The following MTAP variants were observed in gnomAD, a reference collection of about 807,000 sequenced individuals.
MTAP encodes methylthioadenosine phosphorylase.
A neutral mutation model predicts 33.6 loss-of-function variants in MTAP; 33 were observed. The observed-to-expected ratio is 0.98, with a 90% CI of 0.74 to 1.31. The LOEUF (loss-of-function observed/expected upper bound fraction) is 1.31, where lower values mean the gene tolerates loss of function less well. MTAP is among the 40% of genes most tolerant of loss of function. The probability of loss-of-function intolerance (pLI) is 0.00; values close to 1 mark genes in which losing one functional copy is unlikely to be tolerated. For synonymous variants in MTAP, 148 were observed against 125.7 expected, an observed-to-expected ratio of 1.18 and a Z score of -1.19; for missense variants, 367 against 360.0, an observed-to-expected ratio of 1.02 and a Z score of -0.16.
downstream of MTAP, chr9:21,941,015 T>C (rs1222038663): frequency 4.1e-6 from 4 of 984,484 alleles, no homozygotes; most frequent in African/African-American, 7.0e-5. Context: ...AAACATATAT[T>C]TGCATGAAAT....
intron 5 of MTAP, among the ~76,000 whole-genome samples, chr9:21,846,434 G>A (rs1181687581): frequency 3.3e-5 from 5 of 150,394 alleles, no homozygotes; most frequent in South Asian, 4.2e-4. Context: ...AAAAAAGGTC[G>A]CTAAGTACAT....
chr9:21,833,999 G>GT (rs145240053), intron 4 of MTAP, among the ~76,000 whole-genome samples: 29 of 151,318 alleles, frequency 1.9e-4, no homozygotes, highest in South Asian at 4.2e-4. Context: ...TCCATAGGCT[G>GT]TTTTTTTTTA....
chr9:21,918,429 A>ATAAGAGAAT (rs111858842), intron 1 of MTAP, among the ~76,000 whole-genome samples: 4,801 of 148,640 alleles, frequency 0.032, 234 homozygotes, highest in African/African-American at 0.1. Context: ...GGGTTAAGGG[A>ATAAGAGAAT]TAAGAGAATA....
At chr9:21,919,780 C>T (rs1003339974) in intron 1 of MTAP, among the ~76,000 whole-genome samples, 2 of 151,948 alleles carry the variant, frequency 1.3e-5, no homozygotes, top group Admixed American at 6.6e-5. Flanking sequence ...ACAAGTTAGT[C>T]AGAGAAGCGG....
Position 21,837,903 on chromosome 9 carries a change from T to G in MTAP, c.348-5T>G. ...AACAAAAACCTTTTTTGCTTTATTT[T>G]GTAGGACCACTATGAGACCTCAGTC... is the stretch of plus-strand genomic sequence containing the variant. On this transcript the variant is annotated splice_polypyrimidine_tract_variant and splice_region_variant and intron_variant, in intron 4 of 7. Transcript: ENST00000644715. 1 of 1,611,646 alleles carries G rather than the reference T, an allele frequency of 6.2e-7. No individual in the cohort carries two copies. Among genetic ancestry groups the G allele is most frequent in the Non-Finnish European group, 8.5e-7 (1 of 1,178,592 alleles).
Position 21,816,316 on chromosome 9 carries a change from C to T in MTAP, c.121-398C>T, listed in dbSNP as rs77615337. On this transcript the variant is annotated intron_variant, in intron 2 of 7. Transcript: ENST00000644715. ...CTTAGACCTGGTTAACACAAGCAGACATTTCCAGTGCTGAATTCTTAGTGT... is the reference window on the plus strand; with the variant it reads ...CTTAGACCTGGTTAACACAAGCAGATATTTCCAGTGCTGAATTCTTAGTGT... 4.8e-3 allele frequency among the ~76,000 whole-genome samples: 736 copies of T among 152,318 alleles called. 3 individuals are homozygous for T. The highest frequency in any genetic ancestry group is 0.017 in the African/African-American group (699 of 41,568).
chr9:21,908,497 G>T (rs2118835789), intron 1 of MTAP, among the ~76,000 whole-genome samples: 1 of 152,216 alleles, frequency 6.6e-6, no homozygotes, highest in East Asian at 1.9e-4. Context: ...TGGGTCATAT[G>T]GTAGTTGCAT....
intron 1 of MTAP, among the ~76,000 whole-genome samples, chr9:21,924,858 A>C (rs1587301439): frequency 6.6e-6 from 1 of 152,350 alleles, no homozygotes; most frequent in East Asian, 1.9e-4. Flanking sequence ...AAACAGAACT[A>C]GGGAAGTTTA....
Position 21,863,277 on chromosome 9 carries a change from G to A in MTAP, c.*1263G>A. 1 of 984,004 alleles carries A rather than the reference G, an allele frequency of 1.0e-6. No homozygotes were observed. The highest frequency in any genetic ancestry group is 1.2e-6 in the Non-Finnish European group (1 of 828,690). 61.0% of individuals were successfully genotyped at this position (984,004 alleles called of 1,614,324 possible). Reference sequence around the variant, plus strand: ...TTGCTTTTTAATAAAGTGGAAGCTTGCTTTTTTAACTCTTTTTTTATTGTT... The same window carrying A: ...TTGCTTTTTAATAAAGTGGAAGCTTACTTTTTTAACTCTTTTTTTATTGTT... On this transcript the variant is annotated 3_prime_UTR_variant, in exon 8 of 8. Coordinates refer to ENST00000644715, the MANE Select transcript of MTAP (RefSeq NM_002451.4).
At chr9:21,905,032 C>G (rs1563865662) in intron 1 of MTAP, among the ~76,000 whole-genome samples, 1 of 152,112 alleles carries the variant, frequency 6.6e-6, no homozygotes, top group Non-Finnish European at 1.5e-5. Context: ...GTTTACAGCT[C>G]CTAAAGCCCC....
chr9:21,823,895 G>C (rs1824714523), intron 4 of MTAP, among the ~76,000 whole-genome samples: 1 of 152,164 alleles, frequency 6.6e-6, no homozygotes, highest in Non-Finnish European at 1.5e-5. Context: ...CCAGTTGATG[G>C]AATCGGCTAC....
chr9:21,893,381 G>C (rs1392712589), intron 1 of MTAP: 2 of 152,108 alleles, frequency 1.3e-5, no homozygotes, highest in African/African-American at 2.4e-5. Flanking sequence ...GATAGAAGGA[G>C]AAAAGAAATA....
intron 1 of MTAP, among the ~76,000 whole-genome samples, chr9:21,885,766 G>C (rs1448394800): frequency 6.8e-6 from 1 of 146,228 alleles, no homozygotes; most frequent in Non-Finnish European, 1.5e-5. Flanking sequence ...TTTATAGCTG[G>C]GTAGTATTAC....
At chr9:21,830,672 C>T (rs1265445629) in intron 4 of MTAP, among the ~76,000 whole-genome samples, 3 of 152,312 alleles carry the variant, frequency 2.0e-5, no homozygotes, top group South Asian at 2.1e-4. Context: ...CTATGGTACA[C>T]ACCCTTGTAT....
In MTAP at chr9:21,922,895, T is replaced by TA. The variant is rs1238429904; in HGVS notation, c.148-8110dup. 6.6e-6 allele frequency among the ~76,000 whole-genome samples: 1 copy of TA among 152,214 alleles called. No individual in the cohort carries two copies. The highest frequency in any genetic ancestry group is 6.5e-5 in the Admixed American group (1 of 15,286). On this transcript the variant is annotated intron_variant, in intron 1 of 1. Coordinates refer to the MTAP transcript ENST00000577563. The surrounding 1 kb of genome is among the most constrained non-coding windows in gnomAD (Gnocchi z 4.8). Reference sequence around the variant, plus strand: ...AGGAGGCTCATGAGAGTGGTAGGGCTAAAGCCTAACACTGTGCAATGTCTG... The same window carrying TA: ...AGGAGGCTCATGAGAGTGGTAGGGCTAAAAGCCTAACACTGTGCAATGTCTG...
At chr9:21,933,504 AG>A (rs1230128872), downstream of MTAP, 1 of 152,176 alleles carries the variant, frequency 6.6e-6, no homozygotes, top group Non-Finnish European at 1.5e-5. Context: ...CTAGGACCTG[AG>A]GGTTATCTCT....
chr9:21,814,004 A>G (rs867330737), intron 1 of MTAP: 11 of 152,260 alleles, frequency 7.2e-5, no homozygotes, highest in African/African-American at 2.7e-4. Context: ...TTGACATAAA[A>G]GTATGTTAAC....
chr9:21,840,546 T>TAAC, intron 5 of MTAP, among the ~76,000 whole-genome samples: 1 of 152,170 alleles, frequency 6.6e-6, no homozygotes, highest in Non-Finnish European at 1.5e-5. Flanking sequence ...TAGGGGGTTA[T>TAAC]GTGAAATATG....
chr9:21,804,959 T>A (rs762131527), intron 1 of MTAP, among the ~76,000 whole-genome samples: 3 of 152,190 alleles, frequency 2.0e-5, no homozygotes, highest in Non-Finnish European at 2.9e-5. Context: ...AATGAGCACT[T>A]GATAGAATGT....
Sources: gnomAD v4.1 joint callset for allele counts (sites outside exome capture counted in the v4.1 genomes callset) on GRCh38, gnomAD v4.1.1 for gene constraint, Gnocchi (gnomAD v3.1) non-coding constraint, MANE v1.5 for transcripts, NCBI Gene and HGNC (gene_info 2026-07-23, HGNC 2026-07-21) for gene names.